The following PPP1R12A variants were observed in gnomAD, a reference collection of about 807,000 sequenced individuals.
PPP1R12A encodes myosin binding subunit.
In PPP1R12A, 19 loss-of-function variants were observed where a neutral mutation model predicts 139.6. The ratio of observed to expected loss-of-function variants is 0.14; its 90% CI spans 0.09 to 0.20. PPP1R12A has a LOEUF of 0.20. PPP1R12A is among the 10% of genes least tolerant of loss of function. The probability of loss-of-function intolerance (pLI) is 1.00; values close to 1 mark genes in which losing one functional copy is unlikely to be tolerated. For missense variants in PPP1R12A, 925 were observed against 1,211.5 expected (o/e 0.76, Z 3.51); for synonymous variants, 427 against 420.6 (o/e 1.02, Z -0.19).
chr12:79,842,199 A>T (rs1476766958), intron 3 of PPP1R12A, among the ~76,000 whole-genome samples: 1 of 152,144 alleles, frequency 6.6e-6, no homozygotes, highest in Non-Finnish European at 1.5e-5. Flanking sequence ...ATGCGCCTAC[A>T]GTCCCAGCTC....
intron 23 of PPP1R12A, chr12:79,780,451 G>A (rs1421327844): frequency 1.3e-5 from 2 of 151,850 alleles, no homozygotes; most frequent in African/African-American, 4.8e-5. Flanking sequence ...TCTGCATCAT[G>A]TGTATGTTAG....
At chr12:79,854,843 T>G (rs35687951) in intron 2 of PPP1R12A, among the ~76,000 whole-genome samples, 12,679 of 151,934 alleles carry the variant, frequency 0.083, 1,357 homozygotes, top group African/African-American at 0.25. Flanking sequence ...AGCTGATTTT[T>G]TTGTTGTTGT....
intron 1 of PPP1R12A, among the ~76,000 whole-genome samples, chr12:79,905,314 C>T (rs1885999276): frequency 6.7e-6 from 1 of 149,696 alleles, no homozygotes; most frequent in African/African-American, 2.4e-5. Flanking sequence ...TTCAAATATC[C>T]TATTCTAGAA....
intron 3 of PPP1R12A, among the ~76,000 whole-genome samples, chr12:79,833,284 G>C (rs866933280): frequency 6.6e-6 from 1 of 151,794 alleles, no homozygotes; most frequent in African/African-American, 2.4e-5. Flanking sequence ...CAAAAAAAGG[G>C]AAGAATACAA....
At chr12:79,911,015 A>G (rs1886520737) in intron 1 of PPP1R12A, among the ~76,000 whole-genome samples, 1 of 152,198 alleles carries the variant, frequency 6.6e-6, no homozygotes, top group Admixed American at 6.5e-5. Context: ...AATGGAAGGG[A>G]TATTTTTATC....
intron 1 of PPP1R12A, among the ~76,000 whole-genome samples, chr12:79,883,311 A>G (rs1236713929): frequency 6.6e-6 from 1 of 152,210 alleles, no homozygotes; most frequent in Non-Finnish European, 1.5e-5. Flanking sequence ...TACATTTAAT[A>G]GACTACGGTA....
At chr12:79,933,977 G>A (rs571389131) in intron 1 of PPP1R12A, among the ~76,000 whole-genome samples, 1 of 151,488 alleles carries the variant, frequency 6.6e-6, no homozygotes, top group Admixed American at 6.6e-5. Context: ...TGACACTGCG[G>A]CAAACTTCGA....
At chr12:79,778,182 CAA>C (rs1869973394) in intron 24 of PPP1R12A, among the ~76,000 whole-genome samples, 1 of 151,464 alleles carries the variant, frequency 6.6e-6, no homozygotes, top group Non-Finnish European at 1.5e-5. Context: ...ACTTACTCGC[CAA>C]AAAACATGAA....
chr12:79,909,612 G>A (rs1224288690), intron 1 of PPP1R12A, among the ~76,000 whole-genome samples: 2 of 151,810 alleles, frequency 1.3e-5, no homozygotes, highest in East Asian at 1.9e-4. Context: ...GTGGGTGCCT[G>A]TAGTCCCAGC....
intron 1 of PPP1R12A, among the ~76,000 whole-genome samples, chr12:79,892,168 T>C (rs1015350908): frequency 3.3e-5 from 5 of 152,204 alleles, no homozygotes; most frequent in African/African-American, 1.2e-4. Flanking sequence ...CCGCAACTTA[T>C]AATATCTGTC....
At chr12:79,921,384 C>T (rs1486301237) in intron 1 of PPP1R12A, among the ~76,000 whole-genome samples, 3 of 152,128 alleles carry the variant, frequency 2.0e-5, no homozygotes, top group Non-Finnish European at 4.4e-5. Context: ...CAACATTCAT[C>T]TTCAAGAAAG....
intron 1 of PPP1R12A, among the ~76,000 whole-genome samples, chr12:79,925,096 A>G (rs1200810626): frequency 6.6e-6 from 1 of 152,238 alleles, no homozygotes; most frequent in Non-Finnish European, 1.5e-5. Context: ...TATTTTAAAA[A>G]AATGTTCTGG....
At chr12:79,916,941 A>G (rs1456839247) in intron 1 of PPP1R12A, among the ~76,000 whole-genome samples, 1 of 152,022 alleles carries the variant, frequency 6.6e-6, no homozygotes, top group African/African-American at 2.4e-5. Flanking sequence ...ATCCAAAAGT[A>G]ACATAATTCA....
At chr12:79,843,707 T>A (rs1295109359) in intron 3 of PPP1R12A, among the ~76,000 whole-genome samples, 3 of 151,140 alleles carry the variant, frequency 2.0e-5, no homozygotes, top group Non-Finnish European at 4.4e-5. Flanking sequence ...AGTTGCTGGA[T>A]CATTTTTTTT....
chr12:79,783,417 C>T (rs974790250), intron 22 of PPP1R12A, among the ~76,000 whole-genome samples: 1 of 151,828 alleles, frequency 6.6e-6, no homozygotes, highest in Non-Finnish European at 1.5e-5. Context: ...GCAGTGAGCC[C>T]TGACTGTACC....
At chr12:79,927,391 A>G (rs1887926070) in intron 1 of PPP1R12A, among the ~76,000 whole-genome samples, 1 of 152,224 alleles carries the variant, frequency 6.6e-6, no homozygotes, top group Non-Finnish European at 1.5e-5. Context: ...AATTTAGGAC[A>G]ATTTCGAATT....
intron 2 of PPP1R12A, chr12:79,848,763 T>A (rs1321704446): frequency 2.0e-5 from 3 of 152,056 alleles, no homozygotes; most frequent in Admixed American, 6.6e-5. Flanking sequence ...AAAATAATAA[T>A]AAATAATAAT....
At chr12:79,777,413 C>T (rs2136959396) in intron 24 of PPP1R12A, 2 of 984,744 alleles carry the variant, frequency 2.0e-6, no homozygotes, top group Non-Finnish European at 2.4e-6. Flanking sequence ...TGATATGCTC[C>T]AGACACAATG....
At position 79,807,221 on chromosome 12, in the gene PPP1R12A, A is replaced by G; in HGVS notation, c.1655+5T>C. The G allele has an allele frequency of 2.0e-6, 3 of 1,476,812 alleles. No homozygotes were observed. Among genetic ancestry groups the G allele is most frequent in the Non-Finnish European group, 2.8e-6 (3 of 1,086,804 alleles). The allele number at this position is 1,476,812 out of a possible 1,614,324, so 91.5% of individuals were successfully genotyped here. A position where few individuals can be genotyped will look rare whatever the true frequency, so the allele number is the denominator to read the frequency against. On this transcript the variant is annotated splice_donor_5th_base_variant and intron_variant, in intron 12 of 24. Transcript: ENST00000450142. ...ATAAAAACCGCTTAAGAATAGTATT[A>G]TTACCTTTTATGATACGTTGATCCT...
Sources: gnomAD v4.1 joint callset for allele counts (sites outside exome capture counted in the v4.1 genomes callset) on GRCh38, gnomAD v4.1.1 for gene constraint, MANE v1.5 for transcripts, NCBI Gene and HGNC (gene_info 2026-07-23, HGNC 2026-07-21) for gene names.